The following PRSS56 variants were observed in gnomAD, a reference collection of about 807,000 sequenced individuals.
The protein encoded by PRSS56 is protease, serine 56.
A neutral mutation model predicts 66.8 loss-of-function variants in PRSS56; 55 were observed. That is an observed-to-expected ratio of 0.82 (90% CI 0.66 to 1.03). The LOEUF is 1.03. Ranked by LOEUF, PRSS56 falls within the 50% of genes least tolerant of loss-of-function variation. PRSS56 has a pLI of 0.00. For synonymous variants in PRSS56, 409 were observed against 387.9 expected, an observed-to-expected ratio of 1.05 and a Z score of -0.64; for missense variants, 869 against 837.2, an observed-to-expected ratio of 1.04 and a Z score of -0.47.
Position 232,523,893 on chromosome 2 carries a change from C to A in PRSS56, c.1134C>A (p.Gly378=), listed in dbSNP as rs564867463. 6.6e-7 allele frequency: 1 copy of A among 1,520,844 alleles called. No homozygotes were observed. The highest frequency in any genetic ancestry group is 2.5e-5 in the East Asian group (1 of 40,364). 94.2% of individuals were successfully genotyped at this position (1,520,844 alleles called of 1,614,324 possible). Residue 378 remains glycine (G), a synonymous_variant, in exon 9 of 13, where the codon GGC becomes GGA. Coordinates refer to ENST00000617714, the MANE Select transcript of PRSS56 (RefSeq NM_001195129.2). The stretch of plus-strand genomic sequence containing the variant: ...CCCGCCTGTGCCCGGGGTCCCAGGG[C>A]GCCTGTGCGCGCCTGGCGCACCAGC... The part of the protein sequence containing the change: ...FYARLCPGSQ[G]ACARLAHQQC...
rs1276800919 is a variant in PRSS56, at chr2:232,524,351, C to T, written c.1396C>T (p.Pro466Ser). The T allele has an allele frequency of 6.5e-7, 1 of 1,535,574 alleles. No homozygotes were observed. Among genetic ancestry groups the T allele is most frequent in the Non-Finnish European group, 8.7e-7 (1 of 1,146,740 alleles). ...GTRFPKRRPE[P>S]RGEANGCPGL... is the part of the protein sequence containing the mutation. Reference sequence around the variant, plus strand: ...TCGGTTCCCGAAGCGGAGGCCGGAGCCGCGCGGAGAAGCCAACGGTAATGA... The same window carrying T: ...TCGGTTCCCGAAGCGGAGGCCGGAGTCGCGCGGAGAAGCCAACGGTAATGA... Residue 466 changes from proline (P) to serine (S), a missense_variant, in exon 11 of 13, where the codon CCG becomes TCG. Coordinates refer to ENST00000617714, the MANE Select transcript of PRSS56 (RefSeq NM_001195129.2).
At chr2:232,521,294 A>C (rs760590396) in intron 1 of PRSS56, 27 bp from the exon 2 acceptor site, 1 of 1,515,456 alleles carries the variant, frequency 6.6e-7, no homozygotes, top group East Asian at 2.5e-5. Flanking sequence ...CCAACCACGC[A>C]TGATTGTGTG....
rs754983816 is a variant in PRSS56, at chr2:232,524,327, C to A, written c.1372C>A (p.Arg458=). 2 of 1,535,746 alleles carry A rather than the reference C, an allele frequency of 1.3e-6. No individual in the cohort carries two copies. The highest frequency in any genetic ancestry group is 3.9e-5 in the Admixed American group (2 of 50,992). ...CCCAGGATCGCGGGCTGCAGGCACT[C>A]GGTTCCCGAAGCGGAGGCCGGAGCC... ...LHSGSRAAGT[R]FPKRRPEPRG... Residue 458 remains arginine (R), a synonymous_variant, in exon 11 of 13, where the codon CGG becomes AGG. Coordinates refer to ENST00000617714, the MANE Select transcript of PRSS56 (RefSeq NM_001195129.2).
At chr2:232,522,373 T>C in intron 4 of PRSS56, 142 bp from the exon 5 acceptor site, 4 of 858,234 alleles carry the variant, frequency 4.7e-6, no homozygotes, top group South Asian at 2.2e-5. Context: ...TCGCCCCCTC[T>C]GGGACGGGAC....
At position 232,523,186 on chromosome 2, in the gene PRSS56, G is replaced by T. The variant is rs1279143559; in HGVS notation, c.833G>T (p.Gly278Val). Reference protein sequence around the residue: ...TMLCAGYLAGGVDSCQGDSGG... With the variant: ...TMLCAGYLAGVVDSCQGDSGG... ...CTCTGCGCCGGGTACCTGGCGGGGG[G>T]CGTTGACTCGTGCCAGGTATGAACC... Residue 278 changes from glycine (G) to valine (V), a missense_variant, in exon 7 of 13, where the codon GGC becomes GTC. By Grantham distance (109) the Gly-to-Val change is moderately radical. Coordinates refer to ENST00000617714, the MANE Select transcript of PRSS56 (RefSeq NM_001195129.2). The T allele has an allele frequency of 3.4e-6, 5 of 1,477,778 alleles. No individual in the cohort carries two copies. The highest frequency in any genetic ancestry group is 1.3e-5 in the South Asian group (1 of 75,346). 91.5% of individuals were successfully genotyped at this position (1,477,778 alleles called of 1,614,324 possible).
In PRSS56 at chr2:232,524,722, TCTC is replaced by T; in HGVS notation, c.1415-12_1415-10del. ...GCAACCGTTCATTATTCCCGGGGCC[TCTC>T]CTCTTCCTCCAGGCTGCCCTGGGCT... On this transcript the variant is annotated splice_polypyrimidine_tract_variant and intron_variant, in intron 11 of 12. Coordinates refer to ENST00000617714, the MANE Select transcript of PRSS56 (RefSeq NM_001195129.2). 6.7e-7 allele frequency: 1 copy of T among 1,502,896 alleles called. No homozygotes were observed. The highest frequency in any genetic ancestry group is 8.9e-7 in the Non-Finnish European group (1 of 1,122,714). The allele number at this position is 1,502,896 out of a possible 1,614,324, so 93.1% of individuals were successfully genotyped here. A position where few individuals can be genotyped will look rare whatever the true frequency, so the allele number is the denominator to read the frequency against.
intron 7 of PRSS56, 28 bp downstream of exon 7, chr2:232,523,230 C>T: frequency 1.4e-6 from 2 of 1,428,896 alleles, no homozygotes; most frequent in Non-Finnish European, 1.8e-6. Context: ...TGAGAAAAGG[C>T]CGGCTGAGCC....
At position 232,520,708 on chromosome 2, in the gene PRSS56, T is replaced by C; in HGVS notation, c.97+13T>C. On this transcript the variant is annotated intron_variant, in intron 1 of 12. Transcript: ENST00000617714. ...AGCGCCCTGCAAGGTAAGTCCAGGC[T>C]GGCCCGAGAGCCGCGGGGTTGGGAG... The C allele has an allele frequency of 6.6e-7, 1 of 1,509,158 alleles. No homozygotes were observed. Among genetic ancestry groups the C allele is most frequent in the Non-Finnish European group, 8.9e-7 (1 of 1,124,206 alleles). 93.5% of individuals were successfully genotyped at this position (1,509,158 alleles called of 1,614,324 possible). A position where few individuals can be genotyped will look rare whatever the true frequency, so the allele number is the denominator to read the frequency against.
At position 232,523,803 on chromosome 2, in the gene PRSS56, G is replaced by C; in HGVS notation, c.1044G>C (p.Glu348Asp). 8.5e-6 allele frequency: 13 copies of C among 1,533,886 alleles called. No homozygotes were observed. Among genetic ancestry groups the C allele is most frequent in the Non-Finnish European group, 1.1e-5 (13 of 1,146,638 alleles). The change falls in exon 9 of 13, where the codon GAG (glutamate) becomes GAC (aspartate). Residue 348 changes from glutamate (E) to aspartate (D), a missense_variant. By Grantham distance (45) the Glu-to-Asp change is conservative. Transcript: ENST00000617714. ...ASSSREPSCR[E>D]LLAWDPPQEL... ...CCAGCCGCGAGCCCAGCTGCAGGGA[G>C]CTTCTGGCCTGGGACCCCCCCCAGG...
rs1451960526 is a variant in PRSS56 at position 232,521,307 on chromosome 2, C to A, written c.98-14C>A. On this transcript the variant is annotated splice_polypyrimidine_tract_variant and intron_variant, in intron 1 of 12. Transcript: ENST00000617714. ...CCCCAACCACGCATGATTGTGTGCC[C>A]CCTGTCCCAGCAGTTCTGTCGGCCC... The A allele has an allele frequency of 2.6e-6, 4 of 1,530,696 alleles. No homozygotes were observed. Among genetic ancestry groups the A allele is most frequent in the Non-Finnish European group, 3.5e-6 (4 of 1,142,094 alleles). 94.8% of individuals were successfully genotyped at this position (1,530,696 alleles called of 1,614,324 possible). A position where few individuals can be genotyped will look rare whatever the true frequency, so the allele number is the denominator to read the frequency against.
At position 232,521,421 on chromosome 2, in the gene PRSS56, G is replaced by A; in HGVS notation, c.198G>A (p.Glu66=). ...VAMEIQHRSH[E]CRGSGRPRPQ... ...TGGAGATCCAGCACAGATCGCACGA[G>A]TGCCGAGGTGCCCACCCTGCCCCCC... is the stretch of plus-strand genomic sequence containing the variant. The change falls in exon 2 of 13, where the codon GAG becomes GAA. Residue 66 remains glutamate, a synonymous_variant. Coordinates refer to ENST00000617714, the MANE Select transcript of PRSS56 (RefSeq NM_001195129.2). 1.3e-6 allele frequency: 2 copies of A among 1,535,856 alleles called. No individual in the cohort carries two copies. Among genetic ancestry groups the A allele is most frequent in the Non-Finnish European group, 8.7e-7 (1 of 1,146,644 alleles).
chr2:232,525,587 T>G lies in PRSS56; in HGVS notation c.*81T>G. 1.3e-6 allele frequency: 1 copy of G among 772,170 alleles called. No homozygotes were observed. Among genetic ancestry groups the G allele is most frequent in the Non-Finnish European group, 1.7e-6 (1 of 583,082 alleles). 47.8% of individuals were successfully genotyped at this position (772,170 alleles called of 1,614,324 possible). ...GGGGTTCGGGAGCATAATGACAAAC[T>G]GTCGCTGCCCCAGTGGCTGGGTGTG... is the stretch of plus-strand genomic sequence containing the variant. On this transcript the variant is annotated 3_prime_UTR_variant, in exon 13 of 13. Coordinates refer to ENST00000617714, the MANE Select transcript of PRSS56 (RefSeq NM_001195129.2).
Position 232,524,356 on chromosome 2 carries a change from C to T in PRSS56, c.1401C>T (p.Arg467=). ...TRFPKRRPEP[R]GEANGCPGLE... ...TCCCGAAGCGGAGGCCGGAGCCGCG[C>T]GGAGAAGCCAACGGTAATGACGCCC... is the stretch of plus-strand genomic sequence containing the variant. The change falls in exon 11 of 13, where the codon CGC becomes CGT. Residue 467 remains arginine, a synonymous_variant. Coordinates refer to ENST00000617714, the MANE Select transcript of PRSS56 (RefSeq NM_001195129.2). The T allele has an allele frequency of 5.9e-6, 9 of 1,535,408 alleles. No homozygotes were observed. Among genetic ancestry groups the T allele is most frequent in the Non-Finnish European group, 7.8e-6 (9 of 1,146,692 alleles).
At position 232,520,455 on chromosome 2, in the gene PRSS56, C is replaced by T. The variant is rs190688793; in HGVS notation, c.-144C>T. 1.7e-5 allele frequency: 12 copies of T among 700,088 alleles called. No individual in the cohort carries two copies. The highest frequency in any genetic ancestry group is 6.4e-5 in the South Asian group (4 of 62,246). The allele number at this position is 700,088 out of a possible 1,614,324, so 43.4% of individuals were successfully genotyped here. ...GGCGGGTAATTTTGATGTAAGAGAA[C>T]GGGGTCAGATGATTTGAGGGACAAG... On this transcript the variant is annotated 5_prime_UTR_variant, in exon 1 of 13. It adds an upstream start codon to the 5' untranslated region. Transcript: ENST00000617714.
chr2:232,522,391 C>T (rs1691300961), intron 4 of PRSS56, 124 bp from the exon 5 acceptor site: 2 of 970,990 alleles, frequency 2.1e-6, no homozygotes, highest in African/African-American at 1.7e-5. Flanking sequence ...GACCCCTCCC[C>T]GGCCCGCCCT....
rs1365793993 is a variant in PRSS56 at position 232,520,609 on chromosome 2, C to G, written c.11C>G (p.Ala4Gly). The change falls in exon 1 of 13, where the codon GCT (alanine) becomes GGT (glycine). Residue 4 changes from alanine (A) to glycine (G), a missense_variant. Ala to Gly is a moderately conservative substitution (Grantham distance 60). This residue lies in a region of PRSS56 where 315 missense variants were observed against 313.7 expected (regional missense o/e 1.00). Transcript: ENST00000617714. ...CAGCTCCTGGTCACCATGCTGCTGG[C>G]TGTGCTGCTGCTGCTACCCCTCCCA... Reference protein sequence around the residue: MLLAVLLLLPLPSS... With the variant: MLLGVLLLLPLPSS... 6.5e-7 allele frequency: 1 copy of G among 1,535,912 alleles called. No individual in the cohort carries two copies. The highest frequency in any genetic ancestry group is 2.0e-5 in the Admixed American group (1 of 50,982).
chr2:232,523,896 C>T lies in PRSS56; in HGVS notation c.1137C>T (p.Ala379=). ...GCCTGTGCCCGGGGTCCCAGGGCGC[C>T]TGTGCGCGCCTGGCGCACCAGCAGT... ...YARLCPGSQG[A]CARLAHQQCL... is the part of the protein sequence containing the mutation. Residue 379 remains alanine, a synonymous_variant, in exon 9 of 13, where the codon GCC becomes GCT. Coordinates refer to ENST00000617714, the MANE Select transcript of PRSS56 (RefSeq NM_001195129.2). 7 of 1,521,288 alleles carry T rather than the reference C, an allele frequency of 4.6e-6. No individual in the cohort carries two copies. Among genetic ancestry groups the T allele is most frequent in the Non-Finnish European group, 6.1e-6 (7 of 1,139,574 alleles). The allele number at this position is 1,521,288 out of a possible 1,614,324, so 94.2% of individuals were successfully genotyped here. A position where few individuals can be genotyped will look rare whatever the true frequency, so the allele number is the denominator to read the frequency against.
In PRSS56 at chr2:232,521,306, C is replaced by A; in HGVS notation, c.98-15C>A. Reference sequence around the variant, plus strand: ...TCCCCAACCACGCATGATTGTGTGCCCCCTGTCCCAGCAGTTCTGTCGGCC... The same window carrying A: ...TCCCCAACCACGCATGATTGTGTGCACCCTGTCCCAGCAGTTCTGTCGGCC... On this transcript the variant is annotated splice_polypyrimidine_tract_variant and intron_variant, in intron 1 of 12. Coordinates refer to ENST00000617714, the MANE Select transcript of PRSS56 (RefSeq NM_001195129.2). 6.5e-7 allele frequency: 1 copy of A among 1,529,956 alleles called. No homozygotes were observed. Among genetic ancestry groups the A allele is most frequent in the Non-Finnish European group, 8.8e-7 (1 of 1,141,270 alleles). 94.8% of individuals were successfully genotyped at this position (1,529,956 alleles called of 1,614,324 possible).
Position 232,525,207 on chromosome 2 carries a change from C to A in PRSS56, c.1522-9C>A, listed in dbSNP as rs1401529297. The A allele has an allele frequency of 1.4e-6, 2 of 1,463,294 alleles. No individual in the cohort carries two copies. The highest frequency in any genetic ancestry group is 2.8e-5 in the African/African-American group (2 of 70,758). The allele number at this position is 1,463,294 out of a possible 1,614,324, so 90.6% of individuals were successfully genotyped here. A position where few individuals can be genotyped will look rare whatever the true frequency, so the allele number is the denominator to read the frequency against. ...TCTGGGCCCCTGATCCCCACTCCTCCATCTGTAGGTCCTGGCAGATCTGGG... is the reference window on the plus strand; with the variant it reads ...TCTGGGCCCCTGATCCCCACTCCTCAATCTGTAGGTCCTGGCAGATCTGGG... On this transcript the variant is annotated splice_polypyrimidine_tract_variant and intron_variant, in intron 12 of 12. Transcript: ENST00000617714.
Sources: allele counts gnomAD v4.1 joint callset, GRCh38; gene constraint gnomAD v4.1.1; regional missense constraint gnomAD v4.1.1; transcripts MANE v1.5; gene names NCBI Gene and HGNC (gene_info 2026-07-23, HGNC 2026-07-21).